Variants in IL1RAPL1 observed in about 807,000 individuals in gnomAD.
IL1RAPL1 encodes the protein interleukin 1 receptor accessory protein like 1.
IL1RAPL1 carries 3 observed loss-of-function variants against 48.4 expected under a neutral mutation model. The observed-to-expected ratio is 0.06, with a 90% CI of 0.03 to 0.16. The LOEUF (loss-of-function observed/expected upper bound fraction) is 0.16, where lower values mean the gene tolerates loss of function less well. IL1RAPL1 is among the 10% of genes least tolerant of loss of function. The pLI, the probability that IL1RAPL1 is intolerant of heterozygous loss-of-function variation, is 1.00. For synonymous variants in IL1RAPL1, 185 were observed against 187.7 expected (o/e 0.99, Z 0.12); for missense variants, 349 against 530.6 (o/e 0.66, Z 3.36).
At chrX:29,048,819 G>T (rs1927030752) in intron 2 of IL1RAPL1, among the ~76,000 whole-genome samples, 1 of 112,121 alleles carries the variant, frequency 8.9e-6, no homozygotes, top group Non-Finnish European at 1.9e-5. Flanking sequence ...TTAATTTCAA[G>T]ATGCATCACT....
chrX:29,867,630 G>A (rs986007077), intron 6 of IL1RAPL1, among the ~76,000 whole-genome samples: 1 of 112,160 alleles, frequency 8.9e-6, no homozygotes, highest in Non-Finnish European at 1.9e-5. Flanking sequence ...CACAGACTAA[G>A]ACAAATACCA....
At chrX:29,405,399 C>T (rs1934048410) in intron 5 of IL1RAPL1, among the ~76,000 whole-genome samples, 2 of 96,946 alleles carry the variant, frequency 2.1e-5, no homozygotes, top group African/African-American at 1.0e-4. Context: ...CAGAGTCTCG[C>T]TCTGTCGCCC....
intron 5 of IL1RAPL1, among the ~76,000 whole-genome samples, chrX:29,633,857 A>G (rs2147081115): frequency 9.1e-6 from 1 of 110,373 alleles, no homozygotes; most frequent in East Asian, 2.8e-4. Flanking sequence ...CACTGGTTTT[A>G]CCCAGCACCC....
Position 29,717,574 on chromosome X carries a change from C to T in IL1RAPL1, c.778+49070C>T, listed in dbSNP as rs766285815. ...AATCCAGTTTTATGCCTCCTGTGCT[C>T]CAGTCCAAGGGTCAGCAAACTATGG... is the stretch of plus-strand genomic sequence containing the variant. On this transcript the variant is annotated intron_variant, in intron 6 of 10. Coordinates refer to ENST00000378993, the MANE Select transcript of IL1RAPL1 (RefSeq NM_014271.4). Among the ~76,000 whole-genome samples, 3 of 112,533 alleles carry T rather than the reference C, an allele frequency of 2.7e-5. No individual in the cohort carries two copies. In the South Asian group the frequency reaches 1.1e-3, roughly 41 times the overall value.
chrX:29,512,620 C>A (rs1461963231), intron 5 of IL1RAPL1, among the ~76,000 whole-genome samples: 1 of 111,775 alleles, frequency 8.9e-6, no homozygotes, highest in Non-Finnish European at 1.9e-5. Flanking sequence ...AATTCACAGA[C>A]AATTATACAA....
At chrX:29,906,462 TATATATA>T (rs1425277963) in intron 6 of IL1RAPL1, among the ~76,000 whole-genome samples, 11 of 626 alleles carry the variant, frequency 0.018, no homozygotes, top group Non-Finnish European at 0.022. Flanking sequence ...ACTTTGTAAA[TATATATA>T]TATATATATA....
chrX:29,259,272 C>G (rs914433216), intron 2 of IL1RAPL1, among the ~76,000 whole-genome samples: 2 of 111,449 alleles, frequency 1.8e-5, no homozygotes, highest in Non-Finnish European at 3.8e-5. Flanking sequence ...TTTTTCTGTA[C>G]TGAATAGTTA....
chrX:28,606,602 C>A (rs1934086171), intron 1 of IL1RAPL1, among the ~76,000 whole-genome samples: 1 of 111,610 alleles, frequency 9.0e-6, no homozygotes, highest in East Asian at 2.8e-4. Flanking sequence ...ACCAATTAAA[C>A]TTCATATAAT....
intron 5 of IL1RAPL1, among the ~76,000 whole-genome samples, chrX:29,638,907 C>G (rs1165473520): frequency 8.9e-6 from 1 of 112,344 alleles, no homozygotes; most frequent in Admixed American, 9.4e-5. Flanking sequence ...GGTTTTAAGG[C>G]CAGGCGCGGT....
chrX:29,087,919 C>G (rs1237466513), intron 2 of IL1RAPL1, among the ~76,000 whole-genome samples: 3 of 111,728 alleles, frequency 2.7e-5, no homozygotes, highest in African/African-American at 9.8e-5. Context: ...GTAGCCCCAG[C>G]TATTCAGGAG....
At chrX:29,280,759 A>G (rs1490276630) in intron 2 of IL1RAPL1, among the ~76,000 whole-genome samples, 1 of 111,770 alleles carries the variant, frequency 8.9e-6, no homozygotes, top group African/African-American at 3.3e-5. Flanking sequence ...ATAATATAAC[A>G]TCAAATAGCA....
At chrX:28,984,907 G>C (rs1925430211) in intron 2 of IL1RAPL1, among the ~76,000 whole-genome samples, 1 of 111,993 alleles carries the variant, frequency 8.9e-6, no homozygotes, top group Non-Finnish European at 1.9e-5. Context: ...TAAGAAAAAA[G>C]CTAATGCTTA....
chrX:28,708,560 C>A (rs181983819), intron 1 of IL1RAPL1, among the ~76,000 whole-genome samples: 1 of 111,699 alleles, frequency 9.0e-6, no homozygotes, highest in African/African-American at 3.2e-5. Flanking sequence ...CATAAGTGTT[C>A]ATGAACAAAT....
chrX:28,756,904 A>G (rs1218015532), intron 1 of IL1RAPL1, among the ~76,000 whole-genome samples: 1 of 111,485 alleles, frequency 9.0e-6, no homozygotes, highest in Non-Finnish European at 1.9e-5. Flanking sequence ...TTGAGTTAGA[A>G]CAACCCTTTT....
chrX:29,680,255 A>G (rs1926409666), intron 6 of IL1RAPL1, among the ~76,000 whole-genome samples: 1 of 111,239 alleles, frequency 9.0e-6, no homozygotes, highest in Admixed American at 9.6e-5. Flanking sequence ...GCATGTCATC[A>G]TTTTGTATAG....
intron 5 of IL1RAPL1, among the ~76,000 whole-genome samples, chrX:29,591,942 G>T (rs770126799): frequency 8.9e-6 from 1 of 111,973 alleles, no homozygotes; most frequent in Non-Finnish European, 1.9e-5. Context: ...ATTGAATCTG[G>T]CTGGGCAGCC....
chrX:28,812,840 A>T (rs926336412), intron 2 of IL1RAPL1, among the ~76,000 whole-genome samples: 2 of 110,622 alleles, frequency 1.8e-5, no homozygotes, highest in Admixed American at 1.9e-4. Flanking sequence ...CCTCAGGCAC[A>T]TTCTGTTAAC....
intron 2 of IL1RAPL1, among the ~76,000 whole-genome samples, chrX:29,189,575 C>T: frequency 9.0e-6 from 1 of 111,126 alleles, no homozygotes. Flanking sequence ...ATTTCATTAT[C>T]TCCCATTTGA....
At chrX:28,803,605 C>T (rs949012331) in intron 2 of IL1RAPL1, among the ~76,000 whole-genome samples, 2 of 111,735 alleles carry the variant, frequency 1.8e-5, no homozygotes, top group East Asian at 2.8e-4. Context: ...CCCCCACACA[C>T]GAAAATATTA....
Sources: allele counts gnomAD v4.1 joint callset (sites outside exome capture counted in the v4.1 genomes callset), GRCh38; gene constraint gnomAD v4.1.1; transcripts MANE v1.5; gene names NCBI Gene and HGNC (gene_info 2026-07-23, HGNC 2026-07-21).